The following SYNPR variants were observed in gnomAD, a reference collection of about 807,000 sequenced individuals.
SYNPR encodes synaptoporin.
Under a neutral mutation model 32.9 loss-of-function variants are expected in SYNPR, and 23 were observed. The ratio of observed to expected loss-of-function variants is 0.70; its 90% confidence interval spans 0.50 to 0.99. SYNPR has a LOEUF of 0.99. SYNPR is among the 50% of genes least tolerant of loss of function. The pLI, the probability that SYNPR is intolerant of heterozygous loss-of-function variation, is 0.00. For missense variants in SYNPR, 318 were observed against 349.3 expected (o/e 0.91, Z 0.71); for synonymous variants, 146 against 135.9 (o/e 1.07, Z -0.52).
chr3:63,345,437 G>C (rs2087425448), intron 2 of SYNPR, among the ~76,000 whole-genome samples: 1 of 152,220 alleles, frequency 6.6e-6, no homozygotes, highest in Non-Finnish European at 1.5e-5. Context: ...CAGCAGGGCT[G>C]TCTCCATCCC....
chr3:63,378,088 T>C (rs758093209), intron 2 of SYNPR, among the ~76,000 whole-genome samples: 99 of 151,862 alleles, frequency 6.5e-4, no homozygotes, highest in Non-Finnish European at 6.8e-4. Context: ...ATATGTATTT[T>C]TGTACATAAA....
intron 2 of SYNPR, among the ~76,000 whole-genome samples, chr3:63,382,209 T>G (rs1193256129): frequency 6.6e-6 from 1 of 152,224 alleles, no homozygotes; most frequent in East Asian, 1.9e-4. Flanking sequence ...TACTGCTGAG[T>G]GTGGATGGAA....
intron 2 of SYNPR, among the ~76,000 whole-genome samples, chr3:63,433,527 T>C (rs1193813743): frequency 6.6e-6 from 1 of 152,184 alleles, no homozygotes; most frequent in East Asian, 1.9e-4. Context: ...GGAGGAAAGA[T>C]AGTTTTGTCT....
intron 2 of SYNPR, among the ~76,000 whole-genome samples, chr3:63,468,322 T>C (rs1700726108): frequency 6.6e-6 from 1 of 152,156 alleles, no homozygotes; most frequent in African/African-American, 2.4e-5. Flanking sequence ...GAAAGGTTTT[T>C]AAATCTTTAG....
intron 3 of SYNPR, among the ~76,000 whole-genome samples, chr3:63,524,844 T>TGTGTGC (rs1553643521): frequency 2.3e-4 from 34 of 148,532 alleles, no homozygotes; most frequent in African/African-American, 8.3e-4. Flanking sequence ...TGTGTGTGTG[T>TGTGTGC]GTGTGTGCAT....
intron 2 of SYNPR, among the ~76,000 whole-genome samples, chr3:63,307,765 A>G (rs2086922138): frequency 3.3e-5 from 5 of 152,078 alleles, no homozygotes; most frequent in Admixed American, 3.3e-4. Flanking sequence ...AAAAGAGGTC[A>G]CACATTGAGA....
At chr3:63,452,866 A>G (rs1325960045) in intron 2 of SYNPR, among the ~76,000 whole-genome samples, 1 of 152,142 alleles carries the variant, frequency 6.6e-6, no homozygotes, top group African/African-American at 2.4e-5. Context: ...GGTAAAATGG[A>G]GGGAAAAAAT....
At chr3:63,245,700 AGAGAGAGAGAGTGTGTGT>A (rs1241300470) in intron 1 of SYNPR, among the ~76,000 whole-genome samples, 83 of 76,462 alleles carry the variant, frequency 1.1e-3, no homozygotes, top group Admixed American at 8.7e-3. Flanking sequence ...AGAGAGAGAG[AGAGAGAGAGAGTGTGTGT>A]GTGTGTGTGT....
the SYNPR span, among the ~76,000 whole-genome samples, chr3:63,212,082 G>A: frequency 7.8e-4 from 37 of 47,676 alleles, no homozygotes; most frequent in East Asian, 1.7e-3. Context: ...GTGTATATGT[G>A]CCACATTTTC....
At chr3:63,597,461 A>G (rs562656551) in intron 4 of SYNPR, among the ~76,000 whole-genome samples, 15 of 152,266 alleles carry the variant, frequency 9.9e-5, no homozygotes, top group Admixed American at 6.5e-4. Context: ...AAAGATGAGC[A>G]CTTGTTAACT....
At chr3:63,580,767 T>C (rs1001392041) in intron 4 of SYNPR, among the ~76,000 whole-genome samples, 3 of 152,178 alleles carry the variant, frequency 2.0e-5, no homozygotes, top group Admixed American at 6.5e-5. Context: ...AGTCTCCTTA[T>C]ACAGTTCTGG....
At chr3:63,269,256 A>C (rs143848975) in intron 3 of SYNPR, among the ~76,000 whole-genome samples, 8 of 152,194 alleles carry the variant, frequency 5.3e-5, no homozygotes, top group Non-Finnish European at 1.0e-4. Flanking sequence ...TGGGAGGCCA[A>C]GGTGGATGGA....
chr3:63,261,747 A>T (rs2086439852), intron 2 of SYNPR, among the ~76,000 whole-genome samples: 1 of 150,240 alleles, frequency 6.7e-6, no homozygotes, highest in South Asian at 2.1e-4. Flanking sequence ...TAGTAAAACA[A>T]ACCATCATTC....
chr3:63,610,839 T>C (rs1370675786), intron 5 of SYNPR, among the ~76,000 whole-genome samples: 2 of 152,198 alleles, frequency 1.3e-5, no homozygotes, highest in East Asian at 3.8e-4. Flanking sequence ...TTCTGATATA[T>C]CTAATAATTT....
At chr3:63,300,764 G>A (rs572863051) in intron 2 of SYNPR, among the ~76,000 whole-genome samples, 1 of 152,148 alleles carries the variant, frequency 6.6e-6, no homozygotes, top group East Asian at 1.9e-4. Context: ...TCAGGATGAA[G>A]CTAGCCTGTA....
At chr3:63,222,021 T>TTTTTTTTTTTTTTTTTTTTTTTTTTA in the SYNPR span, among the ~76,000 whole-genome samples, 1 of 134,022 alleles carries the variant, frequency 7.5e-6, no homozygotes, top group African/African-American at 3.0e-5. Context: ...ATTTTTTTTT[T>TTTTTTTTTTTTTTTTTTTTTTTTTTA]TTTTTTTTTT....
chr3:63,243,875 A>AT (rs893945120), intron 1 of SYNPR, among the ~76,000 whole-genome samples: 4 of 152,164 alleles, frequency 2.6e-5, no homozygotes, highest in African/African-American at 9.6e-5. Flanking sequence ...AATAAAAAAA[A>AT]CAAAAACAAA....
upstream of SYNPR, among the ~76,000 whole-genome samples, chr3:63,223,361 A>G (rs1411030039): frequency 9.2e-6 from 1 of 109,090 alleles, no homozygotes; most frequent in African/African-American, 3.0e-5. Flanking sequence ...ATTCATTGCA[A>G]AGCTCCTCCA....
chr3:63,463,990 C>G (rs981081648), intron 2 of SYNPR, among the ~76,000 whole-genome samples: 1 of 151,932 alleles, frequency 6.6e-6, no homozygotes, highest in African/African-American at 2.4e-5. Flanking sequence ...CTACTTTTGT[C>G]TCTTACGTAA....
Sources: gnomAD v4.1 joint callset for allele counts (sites outside exome capture counted in the v4.1 genomes callset) on GRCh38, gnomAD v4.1.1 for gene constraint, MANE v1.5 for transcripts, NCBI Gene and HGNC (gene_info 2026-07-23, HGNC 2026-07-21) for gene names.